Variants in GARNL3 observed in about 807,000 individuals in gnomAD.
The protein encoded by GARNL3 is GTPase activating Rap/RanGAP domain like 3.
A neutral mutation model predicts 125.0 loss-of-function variants in GARNL3; 63 were observed. The observed-to-expected ratio is 0.50, with a 90% CI of 0.41 to 0.62. The LOEUF (loss-of-function observed/expected upper bound fraction) is 0.62. Among genes scored for constraint, GARNL3 ranks in the 20% least tolerant of loss-of-function variants. The probability of loss-of-function intolerance (pLI) is 0.00; values close to 1 mark genes in which losing one functional copy is unlikely to be tolerated. For missense variants in GARNL3, 994 were observed against 1,244.0 expected, an observed-to-expected ratio of 0.80 and a Z score of 3.02; for synonymous variants, 439 against 457.5, an observed-to-expected ratio of 0.96 and a Z score of 0.52.
Position 127,392,418 on chromosome 9 carries a change from G to A in GARNL3, c.2871-665G>A, listed in dbSNP as rs80267249. 0.021 allele frequency among the ~76,000 whole-genome samples: 3,126 copies of A among 152,348 alleles called. 112 individuals carry two copies. Among genetic ancestry groups the A allele is most frequent in the African/African-American group, 0.071 (2,950 of 41,572 alleles). Reference sequence around the variant, plus strand: ...GCTTGGAATAAACGGTAAGAAGCTAGGGGAACAGCCCTTCTGACAGCAACT... The same window carrying A: ...GCTTGGAATAAACGGTAAGAAGCTAAGGGAACAGCCCTTCTGACAGCAACT... On this transcript the variant is annotated intron_variant, in intron 27 of 27. Coordinates refer to ENST00000373387, the MANE Select transcript of GARNL3 (RefSeq NM_032293.5). The surrounding 1 kb of genome is among the most constrained non-coding windows in gnomAD (Gnocchi z 5.2).
At chr9:127,317,658 A>G (rs2065277010) in intron 4 of GARNL3, among the ~76,000 whole-genome samples, 1 of 151,918 alleles carries the variant, frequency 6.6e-6, no homozygotes, top group South Asian at 2.1e-4. Context: ...CAGAGGTTGC[A>G]TGAGCCGAGA....
chr9:127,326,106 G>T (rs2065563505), intron 7 of GARNL3, among the ~76,000 whole-genome samples: 1 of 152,136 alleles, frequency 6.6e-6, no homozygotes, highest in South Asian at 2.1e-4. Context: ...TTGTCCCCCA[G>T]ATGTCCTCAC....
In GARNL3 at chr9:127,313,432, C is replaced by A. The variant is rs765261876; in HGVS notation, c.320-9C>A. ...TGCATTCTCACTGTTCTAAACCTTTCTTTTCCAGTCCATCAGAACTACATT... is the reference window on the plus strand; with the variant it reads ...TGCATTCTCACTGTTCTAAACCTTTATTTTCCAGTCCATCAGAACTACATT... On this transcript the variant is annotated splice_polypyrimidine_tract_variant and intron_variant, in intron 3 of 27. Transcript: ENST00000373387. 2 of 1,598,464 alleles carry A rather than the reference C, an allele frequency of 1.3e-6. No homozygotes were observed. The highest frequency in any genetic ancestry group is 1.7e-6 in the Non-Finnish European group (2 of 1,165,722).
chr9:127,390,824 CCCA>C, intron 27 of GARNL3, 57 bp downstream of exon 27: 1 of 1,539,568 alleles, frequency 6.5e-7, no homozygotes, highest in Non-Finnish European at 8.8e-7. Flanking sequence ...CACAGCACTG[CCCA>C]GGAGGCCCCT....
At chr9:127,241,185 C>T (rs2063197098) in intron 1 of GARNL3, among the ~76,000 whole-genome samples, 1 of 152,210 alleles carries the variant, frequency 6.6e-6, no homozygotes, top group Non-Finnish European at 1.5e-5. Context: ...GGTTTCTTCT[C>T]GTTCCCTGTC....
At chr9:127,343,095 C>T (rs1358624876) in intron 14 of GARNL3, among the ~76,000 whole-genome samples, 1 of 151,916 alleles carries the variant, frequency 6.6e-6, no homozygotes, top group African/African-American at 2.4e-5. Context: ...GACGGGGTTT[C>T]TCCATGGTAG....
chr9:127,324,339 T>A (rs1018617139), intron 6 of GARNL3, among the ~76,000 whole-genome samples: 5 of 152,230 alleles, frequency 3.3e-5, no homozygotes, highest in African/African-American at 1.2e-4. Flanking sequence ...AATGGAGGTT[T>A]GTATGCCTCT....
In GARNL3 at chr9:127,390,722, A is replaced by C; in HGVS notation, c.2825A>C (p.Gln942Pro). The change falls in exon 27 of 28, where the codon CAA (glutamine) becomes CCA (proline). Residue 942 changes from glutamine (Q) to proline (P), a missense_variant. Gln to Pro is a moderately conservative substitution (Grantham distance 76). This residue lies in a region of GARNL3 where 728 missense variants were observed against 865.7 expected (regional missense o/e 0.84). Coordinates refer to ENST00000373387, the MANE Select transcript of GARNL3 (RefSeq NM_032293.5). ...SKPRKRLEES[Q>P]GGPKPGAVRS... The stretch of plus-strand genomic sequence containing the variant: ...CCCCGGAAGCGGTTAGAAGAAAGCC[A>C]AGGAGGCCCCAAGCCAGGGGCAGTG... The C allele has an allele frequency of 6.2e-7, 1 of 1,613,960 alleles. No homozygotes were observed. Among genetic ancestry groups the C allele is most frequent in the Non-Finnish European group, 8.5e-7 (1 of 1,179,858 alleles).
At chr9:127,278,524 A>G (rs1317444493) in intron 1 of GARNL3, among the ~76,000 whole-genome samples, 2 of 152,196 alleles carry the variant, frequency 1.3e-5, no homozygotes, top group Admixed American at 1.3e-4. Context: ...ATCATTACAT[A>G]TCTGAGCATG....
intron 1 of GARNL3, among the ~76,000 whole-genome samples, chr9:127,267,957 TG>T (rs1164536671): frequency 2.6e-5 from 4 of 152,344 alleles, no homozygotes; most frequent in African/African-American, 9.6e-5. Flanking sequence ...ATATCAGTAA[TG>T]AGAGAAGACT....
intron 2 of GARNL3, among the ~76,000 whole-genome samples, chr9:127,295,190 A>G (rs1462582220): frequency 2.0e-5 from 3 of 152,252 alleles, no homozygotes; most frequent in African/African-American, 4.8e-5. Context: ...AGATGAATCC[A>G]CTGAACATGT....
At chr9:127,300,752 GC>G in intron 2 of GARNL3, 1 of 359,486 alleles carries the variant, frequency 2.8e-6, no homozygotes, top group African/African-American at 2.2e-5. Context: ...ACCGCGCCTG[GC>G]CCTATTTGGG....
chr9:127,285,718 G>A (rs2064232472), intron 1 of GARNL3, among the ~76,000 whole-genome samples: 1 of 151,988 alleles, frequency 6.6e-6, no homozygotes, highest in Non-Finnish European at 1.5e-5. Flanking sequence ...TTATATTTTG[G>A]AGATGGGTGG....
At chr9:127,323,453 G>A (rs2065463701) in intron 6 of GARNL3, among the ~76,000 whole-genome samples, 1 of 152,184 alleles carries the variant, frequency 6.6e-6, no homozygotes, top group Admixed American at 6.5e-5. Flanking sequence ...CCTGAGCTCA[G>A]CCGGGACTCC....
intron 7 of GARNL3, among the ~76,000 whole-genome samples, chr9:127,329,913 T>C (rs71497649): frequency 1.3e-5 from 2 of 152,258 alleles, no homozygotes; most frequent in Admixed American, 6.5e-5. Context: ...AGAGTTATGG[T>C]CATTGACCTA....
Position 127,357,321 on chromosome 9 carries a change from G to A in GARNL3, c.2038G>A (p.Val680Met), listed in dbSNP as rs1318664592. ...TGTGGCTTATCGACACCAATTTGATGTGGTGAATGAGAGCACAGGAGAAGC... is the reference window on the plus strand; with the variant it reads ...TGTGGCTTATCGACACCAATTTGATATGGTGAATGAGAGCACAGGAGAAGC... Reference protein sequence around the residue: ...ICVAYRHQFDVVNESTGEAFR... With the variant: ...ICVAYRHQFDMVNESTGEAFR... The change falls in exon 21 of 28, where the codon GTG becomes ATG. Residue 680 changes from valine (V) to methionine (M), a missense_variant. Physicochemically the swap from Val to Met is conservative, Grantham distance 21 (BLOSUM62 1). This residue lies in a region of GARNL3 where 728 missense variants were observed against 865.7 expected (regional missense o/e 0.84). Coordinates refer to ENST00000373387, the MANE Select transcript of GARNL3 (RefSeq NM_032293.5). 1 of 1,614,114 alleles carries A rather than the reference G, an allele frequency of 6.2e-7. No individual in the cohort carries two copies. The highest frequency in any genetic ancestry group is 8.5e-7 in the Non-Finnish European group (1 of 1,180,056).
At chr9:127,252,333 C>A (rs1009023807) in intron 2 of GARNL3, among the ~76,000 whole-genome samples, 2 of 152,152 alleles carry the variant, frequency 1.3e-5, no homozygotes, top group African/African-American at 4.8e-5. Flanking sequence ...TTCTGGCTTG[C>A]CCCTAGCCAT....
intron 1 of GARNL3, among the ~76,000 whole-genome samples, chr9:127,282,467 T>G (rs182988556): frequency 6.6e-6 from 1 of 152,316 alleles, no homozygotes; most frequent in Non-Finnish European, 1.5e-5. Flanking sequence ...TGTCCCCATT[T>G]TAGACATAAG....
intron 15 of GARNL3, 145 bp downstream of exon 15, chr9:127,344,484 G>A: frequency 3.1e-6 from 2 of 644,568 alleles, no homozygotes; most frequent in Non-Finnish European, 5.6e-6. Context: ...AACCACGAGT[G>A]AGATTTTTGA....
Sources: gnomAD v4.1 joint callset for allele counts (sites outside exome capture counted in the v4.1 genomes callset) on GRCh38, gnomAD v4.1.1 for gene constraint, gnomAD v4.1.1 regional missense constraint, Gnocchi (gnomAD v3.1) non-coding constraint, MANE v1.5 for transcripts, NCBI Gene and HGNC (gene_info 2026-07-23, HGNC 2026-07-21) for gene names.